The following SLC9A9 variants were observed in gnomAD, a reference collection of about 807,000 sequenced individuals.
SLC9A9 encodes solute carrier family 9 member A9.
Under a neutral mutation model 77.8 loss-of-function variants are expected in SLC9A9, and 62 were observed. The ratio of observed to expected loss-of-function variants is 0.80; its 90% CI spans 0.65 to 0.98. The LOEUF (loss-of-function observed/expected upper bound fraction) is 0.98. Among genes scored for constraint, SLC9A9 ranks in the 50% least tolerant of loss-of-function variants. The pLI is 0.00. For missense variants in SLC9A9, 775 were observed against 774.9 expected (o/e 1.00, Z 0.00); for synonymous variants, 320 against 283.5 (o/e 1.13, Z -1.29).
intron 9 of SLC9A9, among the ~76,000 whole-genome samples, chr3:143,496,572 C>T (rs1195660515): frequency 6.6e-6 from 1 of 152,094 alleles, no homozygotes; most frequent in Non-Finnish European, 1.5e-5. Context: ...AAAAAAGAAA[C>T]AGCCCTTTGG....
At chr3:143,637,488 T>C (rs891407485) in intron 6 of SLC9A9, among the ~76,000 whole-genome samples, 2 of 152,218 alleles carry the variant, frequency 1.3e-5, no homozygotes, top group Non-Finnish European at 2.9e-5. Flanking sequence ...ATTTTCCTAT[T>C]TTGAATTTCT....
intron 14 of SLC9A9, among the ~76,000 whole-genome samples, chr3:143,281,673 A>G (rs1335747782): frequency 6.6e-6 from 1 of 152,160 alleles, no homozygotes; most frequent in Non-Finnish European, 1.5e-5. Flanking sequence ...TGGACTTTAG[A>G]TCAAGATTCA....
chr3:143,510,798 T>C (rs1250959215), intron 9 of SLC9A9, among the ~76,000 whole-genome samples: 1 of 152,188 alleles, frequency 6.6e-6, no homozygotes, highest in Admixed American at 6.5e-5. Context: ...CACATTTTCC[T>C]GGGGTCAAAC....
At chr3:143,739,692 TATA>T (rs1177055927) in intron 4 of SLC9A9, among the ~76,000 whole-genome samples, 3 of 152,244 alleles carry the variant, frequency 2.0e-5, no homozygotes, top group Non-Finnish European at 4.4e-5. Flanking sequence ...TGATATTTTC[TATA>T]ATAACATATT....
At chr3:143,728,684 A>G (rs1379385413) in intron 4 of SLC9A9, among the ~76,000 whole-genome samples, 1 of 152,154 alleles carries the variant, frequency 6.6e-6, no homozygotes, top group Non-Finnish European at 1.5e-5. Context: ...TTCCAAGAGA[A>G]GAATGACAGT....
At chr3:143,847,870 T>G in intron 1 of SLC9A9, 1 of 488,486 alleles carries the variant, frequency 2.0e-6, no homozygotes, top group Non-Finnish European at 3.7e-6. Flanking sequence ...CAGCTCGCCC[T>G]CGACTCCCCA....
At chr3:143,780,386 T>C (rs960900797) in intron 4 of SLC9A9, among the ~76,000 whole-genome samples, 1 of 152,192 alleles carries the variant, frequency 6.6e-6, no homozygotes, top group Non-Finnish European at 1.5e-5. Context: ...GATATTATGA[T>C]CATAACCATG....
intron 14 of SLC9A9, among the ~76,000 whole-genome samples, chr3:143,287,398 A>G (rs1374091994): frequency 6.6e-6 from 1 of 152,038 alleles, no homozygotes; most frequent in East Asian, 1.9e-4. Context: ...CAAGAAGGGA[A>G]AAAAAAACAA....
chr3:143,676,127 C>T (rs917237426), intron 5 of SLC9A9, among the ~76,000 whole-genome samples: 6 of 152,256 alleles, frequency 3.9e-5, no homozygotes, highest in African/African-American at 1.2e-4. Context: ...GTTCACACTT[C>T]TATGACAATC....
At chr3:143,729,184 C>T (rs543951555) in intron 4 of SLC9A9, among the ~76,000 whole-genome samples, 1 of 152,274 alleles carries the variant, frequency 6.6e-6, no homozygotes, top group East Asian at 1.9e-4. Context: ...CTAAGGAAGC[C>T]TTCTTTGCCC....
chr3:143,569,558 G>A (rs1163528104), intron 8 of SLC9A9, among the ~76,000 whole-genome samples: 1 of 152,034 alleles, frequency 6.6e-6, no homozygotes, highest in Non-Finnish European at 1.5e-5. Flanking sequence ...CTATCATTAA[G>A]AAACACTTGG....
chr3:143,427,948 TA>T (rs1195726418), intron 12 of SLC9A9, among the ~76,000 whole-genome samples: 1 of 152,172 alleles, frequency 6.6e-6, no homozygotes, highest in African/African-American at 2.4e-5. Context: ...CGAAAGGAAC[TA>T]AAGACTTAAA....
chr3:143,797,650 T>C (rs1054990104), intron 2 of SLC9A9, among the ~76,000 whole-genome samples: 2 of 152,036 alleles, frequency 1.3e-5, no homozygotes, highest in African/African-American at 4.8e-5. Context: ...GAAAATGGCC[T>C]GTTCCTGCCT....
At chr3:143,380,452 A>G (rs1024533975) in intron 13 of SLC9A9, among the ~76,000 whole-genome samples, 1 of 60,568 alleles carries the variant, frequency 1.7e-5, no homozygotes, top group Non-Finnish European at 3.2e-5. Context: ...GAAGGACAAA[A>G]TTTAGATAAA....
At chr3:143,378,627 C>G (rs982126677) in intron 13 of SLC9A9, among the ~76,000 whole-genome samples, 13 of 152,280 alleles carry the variant, frequency 8.5e-5, no homozygotes, top group South Asian at 2.1e-4. Flanking sequence ...AAGTGTGGTG[C>G]TCCAGTGACT....
chr3:143,326,540 C>T (rs1046501586), intron 14 of SLC9A9, among the ~76,000 whole-genome samples: 4 of 152,146 alleles, frequency 2.6e-5, no homozygotes, highest in African/African-American at 4.8e-5. Flanking sequence ...GCCCCCTCCC[C>T]CCAGGCCTTT....
intron 15 of SLC9A9, 95 bp from the exon 16 acceptor site, chr3:143,267,024 G>GT: frequency 8.7e-7 from 1 of 1,149,244 alleles, no homozygotes; most frequent in Non-Finnish European, 1.3e-6. Flanking sequence ...CAGAATGCAT[G>GT]TTTTCCTTTC....
At chr3:143,391,883 A>G (rs1354294795) in intron 12 of SLC9A9, among the ~76,000 whole-genome samples, 2 of 152,234 alleles carry the variant, frequency 1.3e-5, no homozygotes, top group Admixed American at 1.3e-4. Context: ...AAATGAAGCA[A>G]GAAGAGAAGT....
At chr3:143,514,250 T>A (rs1576546871) in intron 9 of SLC9A9, among the ~76,000 whole-genome samples, 1 of 151,624 alleles carries the variant, frequency 6.6e-6, no homozygotes, top group African/African-American at 2.4e-5. Context: ...TCAATGGCGG[T>A]TTCTTCAAAC....
Sources: allele counts gnomAD v4.1 joint callset (sites outside exome capture counted in the v4.1 genomes callset), GRCh38; gene constraint gnomAD v4.1.1; transcripts MANE v1.5; gene names NCBI Gene and HGNC (gene_info 2026-07-23, HGNC 2026-07-21).